Variants in HLF observed in about 807,000 individuals in gnomAD.
HLF encodes HLF transcription factor, PAR bZIP family member.
HLF carries 3 observed loss-of-function variants against 22.6 expected under a neutral mutation model. The ratio of observed to expected loss-of-function variants is 0.13; its 90% confidence interval spans 0.06 to 0.34. HLF has a LOEUF of 0.34. Among genes scored for constraint, HLF ranks in the 10% least tolerant of loss-of-function variants. The probability of loss-of-function intolerance (pLI) is 1.00; values close to 1 mark genes in which losing one functional copy is unlikely to be tolerated. For missense variants in HLF, 299 were observed against 389.2 expected (o/e 0.77, Z 1.95); for synonymous variants, 151 against 151.8 (o/e 0.99, Z 0.04).
chr17:55,267,688 A>G (rs577401506), intron 1 of HLF, 63 bp from the exon 2 acceptor site: 30 of 1,173,952 alleles, frequency 2.6e-5, no homozygotes, highest in Non-Finnish European at 3.4e-5. Flanking sequence ...AAAGTGATAA[A>G]AGAGCGGTAT....
chr17:55,275,580 C>T (rs1199971389), intron 2 of HLF, among the ~76,000 whole-genome samples: 4 of 152,148 alleles, frequency 2.6e-5, no homozygotes, highest in Non-Finnish European at 5.9e-5. Context: ...TTCAGTTTAT[C>T]CTCCGGCTTG....
In HLF at chr17:55,322,101, GATT is replaced by G. The variant is rs1240549517; in HGVS notation, c.*1223_*1225del. 14 of 207,638 alleles carry G rather than the reference GATT, an allele frequency of 6.7e-5. No individual in the cohort carries two copies. Among genetic ancestry groups the G allele is most frequent in the African/African-American group, 2.7e-4 (12 of 43,978 alleles). The allele number at this position is 207,638 out of a possible 1,614,324, so 12.9% of individuals were successfully genotyped here. On this transcript the variant is annotated 3_prime_UTR_variant, in exon 4 of 4. Transcript: ENST00000226067. ...ATTTTTGAATGCCTCATAAATTAAT[GATT>G]CTGAAGCTTATGTTTCTTATTCTCT...
At chr17:55,285,907 C>T (rs578056686) in intron 2 of HLF, among the ~76,000 whole-genome samples, 17 of 152,310 alleles carry the variant, frequency 1.1e-4, no homozygotes, top group East Asian at 3.9e-4. Flanking sequence ...ATCTTCTTCG[C>T]GGTGCCCAGG....
intron 2 of HLF, among the ~76,000 whole-genome samples, chr17:55,290,097 T>A (rs884302): frequency 0.69 from 104,178 of 151,420 alleles, 36,707 homozygotes; most frequent in East Asian, 0.85. Flanking sequence ...TGCTGGAAAA[T>A]GAAAACCAGA....
intron 2 of HLF, among the ~76,000 whole-genome samples, chr17:55,278,583 A>G (rs2080926941): frequency 4.6e-5 from 7 of 152,238 alleles, no homozygotes; most frequent in Admixed American, 4.6e-4. Context: ...GGCCCTGACC[A>G]ATGGGAATCA....
Position 55,324,932 on chromosome 17 carries a change from G to A in HLF, c.*4053G>A, listed in dbSNP as rs1234340133. 2.2e-5 allele frequency: 5 copies of A among 231,260 alleles called. No homozygotes were observed. The allele number at this position is 231,260 out of a possible 1,614,324, so 14.3% of individuals were successfully genotyped here. ...TGGCAACACCACAAAGATCGCATCT[G>A]TTAAACAGGTACAAGTTGACATGAG... On this transcript the variant is annotated 3_prime_UTR_variant, in exon 4 of 4. Coordinates refer to ENST00000226067, the MANE Select transcript of HLF (RefSeq NM_002126.5).
At chr17:55,272,223 A>T (rs1475961185) in intron 2 of HLF, 1 of 152,286 alleles carries the variant, frequency 6.6e-6, no homozygotes, top group Non-Finnish European at 1.5e-5. Context: ...TCCTGGAGGG[A>T]CGAATATGTG....
chr17:55,302,536 G>A (rs1045464819), intron 2 of HLF, among the ~76,000 whole-genome samples: 12 of 152,100 alleles, frequency 7.9e-5, no homozygotes, highest in African/African-American at 7.2e-5. Context: ...GGGTGTCACC[G>A]GGGGAGCATA....
intron 2 of HLF, among the ~76,000 whole-genome samples, chr17:55,300,634 A>C (rs1178247052): frequency 6.6e-6 from 1 of 152,170 alleles, no homozygotes; most frequent in Non-Finnish European, 1.5e-5. Flanking sequence ...CCTAAAAGTG[A>C]ATCTTGCTCT....
At position 55,315,372 on chromosome 17, in the gene HLF, G is replaced by A. The variant is rs1319474773; in HGVS notation, c.597G>A (p.Lys199=). 6.2e-7 allele frequency: 1 copy of A among 1,614,180 alleles called. No individual in the cohort carries two copies. The highest frequency in any genetic ancestry group is 8.5e-7 in the Non-Finnish European group (1 of 1,180,034). The change falls in exon 3 of 4, where the codon AAG becomes AAA. Residue 199 remains lysine, a synonymous_variant. Transcript: ENST00000226067. The stretch of plus-strand genomic sequence containing the variant: ...AAATGTTTGACCCTCGCAAACGCAA[G>A]TTCTCTGAGGAAGAACTGAAGCCAC... ...GQEMFDPRKR[K]FSEEELKPQP...
intron 2 of HLF, among the ~76,000 whole-genome samples, chr17:55,284,528 G>T (rs539624374): frequency 6.6e-6 from 1 of 152,144 alleles, no homozygotes; most frequent in South Asian, 2.1e-4. Context: ...CCTGGGAGTC[G>T]CTCATCAACT....
intron 2 of HLF, among the ~76,000 whole-genome samples, chr17:55,297,758 TTTTTTG>T (rs2081122881): frequency 7.1e-6 from 1 of 140,928 alleles, no homozygotes; most frequent in Non-Finnish European, 1.5e-5. Flanking sequence ...TTTTTTTTTT[TTTTTTG>T]AGATGGAGTC....
In HLF at chr17:55,320,081, T is replaced by C. The variant is rs1290595409; in HGVS notation, c.673-583T>C. Among the ~76,000 whole-genome samples, 1 of 152,228 alleles carries C rather than the reference T, an allele frequency of 6.6e-6. No individual in the cohort carries two copies. The highest frequency in any genetic ancestry group is 1.9e-4 in the East Asian group (1 of 5,206). The stretch of plus-strand genomic sequence containing the variant: ...CATAACGTGGTTGTTAAATCTCCTA[T>C]GCATAGTTTTTCCTCATTTTTTCTA... On this transcript the variant is annotated intron_variant, in intron 3 of 3. Coordinates refer to ENST00000226067, the MANE Select transcript of HLF (RefSeq NM_002126.5). This position sits in a 1 kb window ranked among gnomAD's most constrained non-coding sequence, Gnocchi z 4.2.
intron 2 of HLF, among the ~76,000 whole-genome samples, chr17:55,271,002 C>A (rs970280945): frequency 6.6e-6 from 1 of 152,176 alleles, no homozygotes. Flanking sequence ...GCCCCTACCT[C>A]CTAGTTGCAA....
At chr17:55,317,059 C>T (rs368780012) in intron 3 of HLF, among the ~76,000 whole-genome samples, 6 of 151,422 alleles carry the variant, frequency 4.0e-5, no homozygotes, top group African/African-American at 1.5e-4. Context: ...GCTCCGCCTC[C>T]CCGGTTCAAG....
chr17:55,300,026 A>G (rs575038452), intron 2 of HLF, among the ~76,000 whole-genome samples: 59 of 152,232 alleles, frequency 3.9e-4, no homozygotes, highest in Admixed American at 7.8e-4. Context: ...TGTTTTAGAG[A>G]TAAGATCTTG....
chr17:55,316,845 T>A (rs1157001564), intron 3 of HLF, among the ~76,000 whole-genome samples: 1 of 152,130 alleles, frequency 6.6e-6, no homozygotes, highest in East Asian at 1.9e-4. Context: ...ACATTGATGG[T>A]TAGACTGAGA....
intron 2 of HLF, among the ~76,000 whole-genome samples, chr17:55,277,086 A>G (rs766485277): frequency 3.3e-5 from 5 of 152,232 alleles, no homozygotes; most frequent in South Asian, 2.1e-4. Context: ...TGACTGGTTC[A>G]GAATTTAAAA....
rs1408021987 is a variant in HLF, at chr17:55,323,124, T to G, written c.*2245T>G. The G allele has an allele frequency of 9.2e-6, 2 of 217,806 alleles. No individual in the cohort carries two copies. Among genetic ancestry groups the G allele is most frequent in the Admixed American group, 5.8e-5 (1 of 17,272 alleles). The allele number at this position is 217,806 out of a possible 1,614,324, so 13.5% of individuals were successfully genotyped here. Reference sequence around the variant, plus strand: ...ACCAGTAGGATATTTCTACAAGGTGTTCATTTTGTCACAAGCTGTAGATAA... The same window carrying G: ...ACCAGTAGGATATTTCTACAAGGTGGTCATTTTGTCACAAGCTGTAGATAA... On this transcript the variant is annotated 3_prime_UTR_variant, in exon 4 of 4. Transcript: ENST00000226067.
Sources: allele counts gnomAD v4.1 joint callset (sites outside exome capture counted in the v4.1 genomes callset), GRCh38; gene constraint gnomAD v4.1.1; non-coding constraint Gnocchi (gnomAD v3.1); transcripts MANE v1.5; gene names NCBI Gene and HGNC (gene_info 2026-07-23, HGNC 2026-07-21).